The following ZNF644 variants were observed in gnomAD, a reference collection of about 807,000 sequenced individuals.
The protein encoded by ZNF644 is zinc finger protein 644, also known as zinc finger motif enhancer binding protein 2.
A neutral mutation model predicts 108.0 loss-of-function variants in ZNF644; 20 were observed. The observed-to-expected ratio is 0.19, with a 90% CI of 0.13 to 0.27. The LOEUF is 0.27. Ranked by LOEUF, ZNF644 falls within the 10% of genes least tolerant of loss-of-function variation. The pLI, the probability that ZNF644 is intolerant of heterozygous loss-of-function variation, is 1.00. For missense variants in ZNF644, 1,338 were observed against 1,548.9 expected (o/e 0.86, Z 2.29); for synonymous variants, 542 against 539.1 (o/e 1.01, Z -0.08).
chr1:90,923,191 G>A (rs2100803037), intron 4 of ZNF644, among the ~76,000 whole-genome samples: 1 of 152,224 alleles, frequency 6.6e-6, no homozygotes, highest in South Asian at 2.1e-4. Flanking sequence ...ATGCTCTACT[G>A]TTGCAGCCTT....
chr1:90,931,902 T>C (rs965285043), intron 4 of ZNF644, among the ~76,000 whole-genome samples: 11 of 152,150 alleles, frequency 7.2e-5, no homozygotes, highest in Admixed American at 5.9e-4. Flanking sequence ...CTTTCTCAAT[T>C]TGCCATCAGA....
chr1:90,938,876 C>G lies in ZNF644; in HGVS notation c.2478G>C (p.Leu826Phe), dbSNP rs774157043. ...KKESSVGGED[L>F]DSYPDFLHKM... is the part of the protein sequence containing the mutation. ...TATGCAAAAAATCTGGATAGCTATC[C>G]AAGTCTTCCCCTCCAACAGAACTTT... The change falls in exon 3 of 6, where the codon TTG becomes TTC. Residue 826 changes from leucine (L) to phenylalanine (F), a missense_variant. This residue lies in a region of ZNF644 where 462 missense variants were observed against 472.6 expected (regional missense o/e 0.98). Coordinates refer to ENST00000337393, the MANE Select transcript of ZNF644 (RefSeq NM_201269.3). This position sits in a 1 kb window ranked among gnomAD's most constrained non-coding sequence, Gnocchi z 4.2. The G allele has an allele frequency of 6.2e-7, 1 of 1,613,904 alleles. No homozygotes were observed. Among genetic ancestry groups the G allele is most frequent in the South Asian group, 1.1e-5 (1 of 91,076 alleles).
intron 1 of ZNF644, among the ~76,000 whole-genome samples, chr1:91,003,123 T>A (rs1204921211): frequency 1.3e-5 from 2 of 150,858 alleles, no homozygotes; most frequent in Non-Finnish European, 3.0e-5. Context: ...GACAGCGTGG[T>A]GATTCCTCAA....
intron 1 of ZNF644, chr1:91,021,314 T>G (rs1414316291): frequency 1.3e-5 from 2 of 152,136 alleles, no homozygotes; most frequent in African/African-American, 4.8e-5. Flanking sequence ...CATAAGATCT[T>G]GCAGGACGGG....
At chr1:91,007,219 C>CTTTTTTTT (rs1557658445) in intron 1 of ZNF644, among the ~76,000 whole-genome samples, 3 of 114,248 alleles carry the variant, frequency 2.6e-5, no homozygotes, top group Non-Finnish European at 5.5e-5. Context: ...CATTTTCTCC[C>CTTTTTTTT]ATTTTGTTTT....
intron 1 of ZNF644, among the ~76,000 whole-genome samples, chr1:91,014,731 C>A (rs1041286798): frequency 6.6e-6 from 1 of 151,428 alleles, no homozygotes; most frequent in Non-Finnish European, 1.5e-5. Context: ...GAGAGCAATA[C>A]GACACCACTT....
intron 2 of ZNF644, 143 bp from the exon 3 acceptor site, chr1:90,941,452 G>C: frequency 1.3e-6 from 1 of 789,434 alleles, no homozygotes. Flanking sequence ...AAGAATGAAA[G>C]AACACAAACA....
chr1:90,935,617 T>A, intron 4 of ZNF644: 1 of 922,582 alleles, frequency 1.1e-6, no homozygotes, highest in South Asian at 5.0e-5. Context: ...AGCACCACAA[T>A]AAAGATGGTT....
chr1:90,938,312 T>C lies in ZNF644; in HGVS notation c.3042A>G (p.Lys1014=), dbSNP rs1287283055. The C allele has an allele frequency of 1.2e-6, 2 of 1,614,008 alleles. No individual in the cohort carries two copies. The highest frequency in any genetic ancestry group is 3.3e-5 in the Admixed American group (2 of 59,992). The change falls in exon 3 of 6, where the codon AAA becomes AAG. Residue 1014 remains lysine (K), a synonymous_variant. Coordinates refer to ENST00000337393, the MANE Select transcript of ZNF644 (RefSeq NM_201269.3). This position sits in a 1 kb window ranked among gnomAD's most constrained non-coding sequence, Gnocchi z 4.2. ...TAACAGGTGTTCCTGTGCCAGTTCTTTTGAAATGCTGCATTTTGTCACTTG... is the reference window on the plus strand; with the variant it reads ...TAACAGGTGTTCCTGTGCCAGTTCTCTTGAAATGCTGCATTTTGTCACTTG... The part of the protein sequence containing the change: ...IATSDKMQHF[K]RTGTGTPVKR...
At position 90,938,194 on chromosome 1, in the gene ZNF644, A is replaced by T; in HGVS notation, c.3082+78T>A. The T allele has an allele frequency of 6.2e-7, 1 of 1,610,128 alleles. No homozygotes were observed. The highest frequency in any genetic ancestry group is 8.5e-7 in the Non-Finnish European group (1 of 1,177,126). ...TAAAATTATGATTCTAATAAAGACT[A>T]AATTCAAAAAAAACTTTTAAATCTT... On this transcript the variant is annotated intron_variant, in intron 3 of 5. Transcript: ENST00000337393. This position sits in a 1 kb window ranked among gnomAD's most constrained non-coding sequence, Gnocchi z 4.2.
intron 1 of ZNF644, among the ~76,000 whole-genome samples, chr1:90,985,014 G>A (rs1405533293): frequency 6.6e-6 from 1 of 151,864 alleles, no homozygotes. Flanking sequence ...AAAAATAAAG[G>A]CATATACAAA....
rs537621446 is a variant in ZNF644, at chr1:90,955,068, A to C, written c.45-13759T>G. On this transcript the variant is annotated intron_variant, in intron 2 of 5. Transcript: ENST00000337393. The stretch of plus-strand genomic sequence containing the variant: ...CTGTGTTGGCAGGTATGAAAACAAC[A>C]TTCATCTTGTACATCTCCATCAGAG... Among the ~76,000 whole-genome samples, 13 of 152,330 alleles carry C rather than the reference A, an allele frequency of 8.5e-5. No homozygotes were observed. In the East Asian group the frequency reaches 2.5e-3, roughly 29 times the overall value.
Position 90,978,768 on chromosome 1 carries a change from A to G in ZNF644, c.44+3542T>C, listed in dbSNP as rs577346830. 7.9e-5 allele frequency among the ~76,000 whole-genome samples: 12 copies of G among 152,192 alleles called. No homozygotes were observed. The East Asian group carries it at 2.3e-3, about 29-fold the overall frequency. Reference sequence around the variant, plus strand: ...GAGACATGTAAGTTAGGCAATCTCAAGGTTAAATTTCTCTGGCTCCTCAAC... The same window carrying G: ...GAGACATGTAAGTTAGGCAATCTCAGGGTTAAATTTCTCTGGCTCCTCAAC... On this transcript the variant is annotated intron_variant, in intron 2 of 5. Transcript: ENST00000337393.
At chr1:90,917,614 C>T (rs1177482641) in intron 5 of ZNF644, among the ~76,000 whole-genome samples, 2 of 152,160 alleles carry the variant, frequency 1.3e-5, no homozygotes, top group Non-Finnish European at 1.5e-5. Context: ...TCTCCTGCCT[C>T]AGCCTCCCAA....
intron 2 of ZNF644, among the ~76,000 whole-genome samples, chr1:90,947,113 A>T (rs931954144): frequency 6.6e-6 from 1 of 152,208 alleles, no homozygotes; most frequent in African/African-American, 2.4e-5. Flanking sequence ...AACAGTAGAA[A>T]ATCAAAAGGA....
chr1:91,002,927 A>G (rs1659018617), intron 1 of ZNF644, among the ~76,000 whole-genome samples: 1 of 152,166 alleles, frequency 6.6e-6, no homozygotes, highest in South Asian at 2.1e-4. Context: ...GACACATGAA[A>G]AAATGCTCAT....
At chr1:90,985,466 C>T (rs979830775) in intron 1 of ZNF644, among the ~76,000 whole-genome samples, 3 of 152,188 alleles carry the variant, frequency 2.0e-5, no homozygotes, top group Admixed American at 6.5e-5. Flanking sequence ...CCCATCCACT[C>T]CCCAACCCAG....
chr1:90,949,656 C>CAA (rs1652880899), intron 2 of ZNF644, among the ~76,000 whole-genome samples: 1 of 151,986 alleles, frequency 6.6e-6, no homozygotes, highest in South Asian at 2.1e-4. Flanking sequence ...AGTATAACAA[C>CAA]TATTTGGCAT....
At chr1:90,928,867 T>C (rs755798264) in intron 4 of ZNF644, among the ~76,000 whole-genome samples, 2 of 152,126 alleles carry the variant, frequency 1.3e-5, no homozygotes, top group Non-Finnish European at 2.9e-5. Flanking sequence ...CTCTACTGCA[T>C]CCTTCAACTT....
Sources: allele counts gnomAD v4.1 joint callset (sites outside exome capture counted in the v4.1 genomes callset), GRCh38; gene constraint gnomAD v4.1.1; regional missense constraint gnomAD v4.1.1; non-coding constraint Gnocchi (gnomAD v3.1); transcripts MANE v1.5; gene names NCBI Gene and HGNC (gene_info 2026-07-23, HGNC 2026-07-21).